ATP10B: variants seen among roughly 807,000 people sequenced by gnomAD.
The protein encoded by ATP10B is phospholipid-transporting ATPase VB.
ATP10B carries 122 observed loss-of-function variants against 141.2 expected under a neutral mutation model. That is an observed-to-expected ratio of 0.86 (90% confidence interval 0.75 to 1.00). The LOEUF (loss-of-function observed/expected upper bound fraction) is 1.00, where lower values mean the gene tolerates loss of function less well. ATP10B is among the 50% of genes least tolerant of loss of function. The probability of loss-of-function intolerance (pLI) is 0.00; values close to 1 mark genes in which losing one functional copy is unlikely to be tolerated. For synonymous variants in ATP10B, 685 were observed against 692.0 expected, an observed-to-expected ratio of 0.99 and a Z score of 0.16; for missense variants, 1,876 against 1,825.3, an observed-to-expected ratio of 1.03 and a Z score of -0.51.
intron 7 of ATP10B, among the ~76,000 whole-genome samples, chr5:160,652,450 T>C (rs1351932859): frequency 7.1e-6 from 1 of 139,890 alleles, no homozygotes; most frequent in Non-Finnish European, 1.5e-5. Flanking sequence ...TATTTATTTA[T>C]TTATTTATTT....
intron 7 of ATP10B, among the ~76,000 whole-genome samples, chr5:160,659,091 G>T (rs1295027343): frequency 6.6e-6 from 1 of 152,152 alleles, no homozygotes. Context: ...ACTGGAGGTG[G>T]TGGGAAGGAG....
intron 6 of ATP10B, chr5:160,684,891 G>A: frequency 1.4e-6 from 1 of 703,318 alleles, no homozygotes; most frequent in Non-Finnish European, 2.6e-6. Context: ...TGTACCTCCG[G>A]AGGTCTTCCC....
At chr5:160,733,908 A>T (rs1766923494) in intron 2 of ATP10B, among the ~76,000 whole-genome samples, 1 of 151,916 alleles carries the variant, frequency 6.6e-6, no homozygotes, top group Non-Finnish European at 1.5e-5. Flanking sequence ...GATCGAGACC[A>T]TCCTGGACAA....
intron 7 of ATP10B, among the ~76,000 whole-genome samples, chr5:160,662,088 G>A (rs1222369526): frequency 1.3e-5 from 2 of 152,148 alleles, no homozygotes; most frequent in Non-Finnish European, 2.9e-5. Flanking sequence ...CAACTTACAA[G>A]GGATGTGAAG....
At chr5:160,649,543 C>T (rs1196425697) in intron 7 of ATP10B, among the ~76,000 whole-genome samples, 1 of 152,176 alleles carries the variant, frequency 6.6e-6, no homozygotes, top group Non-Finnish European at 1.5e-5. Context: ...ATAGAACTTA[C>T]TGCAATGATG....
At chr5:160,727,238 C>T (rs919185487) in intron 2 of ATP10B, among the ~76,000 whole-genome samples, 6 of 152,152 alleles carry the variant, frequency 3.9e-5, no homozygotes, top group African/African-American at 1.2e-4. Context: ...GCATGAACGC[C>T]GATCCCTACA....
intron 1 of ATP10B, among the ~76,000 whole-genome samples, chr5:160,795,749 CAG>C (rs1236532693): frequency 2.6e-5 from 4 of 151,902 alleles, no homozygotes; most frequent in Non-Finnish European, 4.4e-5. Flanking sequence ...ACCACAGAAA[CAG>C]AGACTGATGT....
At chr5:160,639,869 T>C (rs1759701032) in intron 10 of ATP10B, among the ~76,000 whole-genome samples, 1 of 152,246 alleles carries the variant, frequency 6.6e-6, no homozygotes, top group African/African-American at 2.4e-5. Context: ...CTTATTTTTT[T>C]GCAACTATAT....
the ATP10B span, among the ~76,000 whole-genome samples, chr5:160,912,347 A>T: frequency 6.3e-5 from 9 of 142,192 alleles, no homozygotes; most frequent in African/African-American, 2.3e-4. Flanking sequence ...GAGACTGAAG[A>T]GGGTGGATCA....
upstream of ATP10B, among the ~76,000 whole-genome samples, chr5:160,855,314 G>A (rs370502502): frequency 3.3e-5 from 5 of 151,940 alleles, no homozygotes; most frequent in Non-Finnish European, 5.9e-5. Context: ...CTACTCTTTA[G>A]TTATTTCAAT....
rs1426062870 is a variant in ATP10B, at chr5:160,565,496, T to C, written c.4343A>G (p.Lys1448Arg). The C allele has an allele frequency of 1.2e-6, 2 of 1,614,000 alleles. No individual in the cohort carries two copies. Among genetic ancestry groups the C allele is most frequent in the African/African-American group, 1.3e-5 (1 of 74,938 alleles). Reference protein sequence around the residue: ...RGQTDMCRCSKRSSHRRSQSS... With the variant: ...RGQTDMCRCSRRSSHRRSQSS... ...CTGGGATCGGCGATGGCTGCTCCTC[T>C]TTGAGCACCGGCACATATCAGTCTG... Residue 1448 changes from lysine to arginine, a missense_variant, in exon 26 of 26, where the codon AAG (lysine) becomes AGG (arginine). Lys to Arg is a conservative substitution (Grantham distance 26). Coordinates refer to ENST00000327245, the MANE Select transcript of ATP10B (RefSeq NM_025153.3).
intron 13 of ATP10B, among the ~76,000 whole-genome samples, chr5:160,627,578 C>T (rs1052222071): frequency 6.6e-6 from 1 of 152,128 alleles, no homozygotes; most frequent in Admixed American, 6.5e-5. Context: ...AAAAAATGCA[C>T]ATACTGGCCA....
Position 160,649,948 on chromosome 5 carries a change from A to C in ATP10B, c.676-692T>G, listed in dbSNP as rs564464448. On this transcript the variant is annotated intron_variant, in intron 7 of 25. Transcript: ENST00000327245. ...GCCTGGTGAAACCCCGTCTCTACTA[A>C]AAATACAAAAATTAGCCAGGCATGG... Among the ~76,000 whole-genome samples, 8 of 151,660 alleles carry C rather than the reference A, an allele frequency of 5.3e-5. No homozygotes were observed. The South Asian group carries it at 1.7e-3, about 32-fold the overall frequency.
the ATP10B span, among the ~76,000 whole-genome samples, chr5:160,884,756 TAGC>T: frequency 2.6e-5 from 4 of 152,316 alleles, no homozygotes; most frequent in South Asian, 2.1e-4. Context: ...AAAAAATAAA[TAGC>T]AGTCATACAT....
At chr5:160,597,663 AT>A (rs1176644931) in intron 22 of ATP10B, among the ~76,000 whole-genome samples, 2 of 152,198 alleles carry the variant, frequency 1.3e-5, no homozygotes, top group African/African-American at 4.8e-5. Flanking sequence ...AAGGGCTAAT[AT>A]TCAGAATCTA....
intron 2 of ATP10B, among the ~76,000 whole-genome samples, chr5:160,719,167 G>A (rs1165651629): frequency 6.6e-6 from 1 of 152,188 alleles, no homozygotes; most frequent in Non-Finnish European, 1.5e-5. Flanking sequence ...TTGTGAGGCT[G>A]AGACGGGCGG....
rs185909387 is a variant in ATP10B, at chr5:160,629,721, C to G, written c.1620+2408G>C. On this transcript the variant is annotated intron_variant, in intron 13 of 25. Coordinates refer to ENST00000327245, the MANE Select transcript of ATP10B (RefSeq NM_025153.3). Reference sequence around the variant, plus strand: ...CTCAAAATAAACTCATGAGCCAGAACAATTGTCTTCATTTTAACAATGGGT... The same window carrying G: ...CTCAAAATAAACTCATGAGCCAGAAGAATTGTCTTCATTTTAACAATGGGT... Among the ~76,000 whole-genome samples the G allele has an allele frequency of 6.4e-3, 982 of 152,268 alleles. 16 individuals are homozygous for G. Among genetic ancestry groups the G allele is most frequent in the African/African-American group, 0.021 (879 of 41,562 alleles).
chr5:160,909,688 T>A, the ATP10B span, among the ~76,000 whole-genome samples: 1 of 152,252 alleles, frequency 6.6e-6, no homozygotes, highest in Non-Finnish European at 1.5e-5. Flanking sequence ...TTTACTTGAA[T>A]AACGTAGAAT....
chr5:160,602,757 A>T, intron 20 of ATP10B, 55 bp from the exon 21 acceptor site: 1 of 1,609,836 alleles, frequency 6.2e-7, no homozygotes, highest in Non-Finnish European at 8.5e-7. Flanking sequence ...AGTGCCCCAG[A>T]GGGACTCTCT....
Sources: allele counts gnomAD v4.1 joint callset (sites outside exome capture counted in the v4.1 genomes callset), GRCh38; gene constraint gnomAD v4.1.1; transcripts MANE v1.5; gene names NCBI Gene and HGNC (gene_info 2026-07-23, HGNC 2026-07-21).